The following FER1L5 variants were observed in gnomAD, a reference collection of about 807,000 sequenced individuals.
The protein encoded by FER1L5 is fer-1-like protein 5.
In FER1L5, 187 loss-of-function variants were observed where a neutral mutation model predicts 279.9. The observed-to-expected ratio is 0.67, with a 90% CI of 0.59 to 0.75. FER1L5 has a LOEUF of 0.75. FER1L5 is among the 30% of genes least tolerant of loss of function. The probability of loss-of-function intolerance (pLI) is 0.00; values close to 1 mark genes in which losing one functional copy is unlikely to be tolerated. For missense variants in FER1L5, 2,091 were observed against 2,594.4 expected (o/e 0.81, Z 4.21); for synonymous variants, 921 against 989.7 (o/e 0.93, Z 1.30).
chr2:96,697,630 C>G (rs568324234), intron 38 of FER1L5, 30 bp from the exon 39 acceptor site: 62 of 1,613,704 alleles, frequency 3.8e-5, no homozygotes, highest in Admixed American at 1.3e-4. Flanking sequence ...TGCCCCTGCC[C>G]GAGGCCAGAA....
Position 96,661,751 on chromosome 2 carries a change from C to T in FER1L5, c.978C>T (p.Tyr326=). The change falls in exon 12 of 53, where the codon TAC becomes TAT. Residue 326 remains tyrosine, a synonymous_variant. Coordinates refer to ENST00000624922, the MANE Select transcript of FER1L5 (RefSeq NM_001293083.2). ...KSAVVPINMA[Y]LQLFIYCAED... ...CGGTAGTCCCGATCAACATGGCTTA[C>T]TTACAGCTCTTCATCTACTGCGCAG... is the stretch of plus-strand genomic sequence containing the variant. 1 of 1,551,746 alleles carries T rather than the reference C, an allele frequency of 6.4e-7. No individual in the cohort carries two copies. The highest frequency in any genetic ancestry group is 8.7e-7 in the Non-Finnish European group (1 of 1,147,002).
chr2:96,694,054 G>A lies in FER1L5; in HGVS notation c.3618G>A (p.Glu1206=). 6 of 1,543,972 alleles carry A rather than the reference G, an allele frequency of 3.9e-6. No individual in the cohort carries two copies. The highest frequency in any genetic ancestry group is 5.2e-6 in the Non-Finnish European group (6 of 1,146,882). The stretch of plus-strand genomic sequence containing the variant: ...AGGGCGAGATCTTGGCATCCTGTGA[G>A]CTGATCCTCCAGACTGAGGTATTGG... ...KEEGEILASC[E]LILQTEKLGE... is the part of the protein sequence containing the mutation. Residue 1206 remains glutamate (E), a synonymous_variant, in exon 33 of 53, where the codon GAG becomes GAA. Coordinates refer to ENST00000624922, the MANE Select transcript of FER1L5 (RefSeq NM_001293083.2). The surrounding 1 kb of genome is among the most constrained non-coding windows in gnomAD (Gnocchi z 4.6).
intron 17 of FER1L5, among the ~76,000 whole-genome samples, chr2:96,669,702 G>C (rs1445816233): frequency 6.6e-6 from 1 of 152,142 alleles, no homozygotes; most frequent in Non-Finnish European, 1.5e-5. Context: ...AGACTTCCCG[G>C]CTGGGAACCT....
At chr2:96,647,420 G>A (rs989203168) in intron 3 of FER1L5, among the ~76,000 whole-genome samples, 3 of 152,092 alleles carry the variant, frequency 2.0e-5, no homozygotes, top group South Asian at 2.1e-4. Flanking sequence ...GCCCAACCCC[G>A]GCTTCTTATC....
chr2:96,699,481 C>T (rs1024391312), intron 42 of FER1L5, 69 bp from the exon 43 acceptor site: 2 of 1,528,776 alleles, frequency 1.3e-6, no homozygotes, highest in Non-Finnish European at 1.8e-6. Flanking sequence ...GGGGCCGAGA[C>T]ACCGGTGAGG....
chr2:96,682,215 T>G (rs2076756024), intron 19 of FER1L5, among the ~76,000 whole-genome samples: 1 of 152,124 alleles, frequency 6.6e-6, no homozygotes, highest in African/African-American at 2.4e-5. Context: ...GCCTCCCAGG[T>G]AGCTGGGATT....
chr2:96,663,610 A>G lies in FER1L5; in HGVS notation c.1140+103A>G, dbSNP rs774836878. On this transcript the variant is annotated intron_variant, in intron 14 of 52. Coordinates refer to ENST00000624922, the MANE Select transcript of FER1L5 (RefSeq NM_001293083.2). The stretch of plus-strand genomic sequence containing the variant: ...TGAAGACAGAGGGTGGGGGCCAAAA[A>G]GCATGGCAAGGGGGACTCTGCCTGA... The G allele has an allele frequency of 3.9e-6, 5 of 1,293,168 alleles. No individual in the cohort carries two copies. In the Admixed American group the frequency reaches 7.9e-5, roughly 21 times the overall value. 80.1% of individuals were successfully genotyped at this position (1,293,168 alleles called of 1,614,324 possible).
intron 14 of FER1L5, among the ~76,000 whole-genome samples, chr2:96,667,747 T>C (rs1447493038): frequency 6.6e-6 from 1 of 152,172 alleles, no homozygotes; most frequent in East Asian, 1.9e-4. Flanking sequence ...CATGAGATGG[T>C]TTGGTGAATG....
At chr2:96,651,237 C>CTT (rs1553446608) in intron 6 of FER1L5, among the ~76,000 whole-genome samples, 15 of 128,624 alleles carry the variant, frequency 1.2e-4, no homozygotes, top group Non-Finnish European at 1.8e-4. Context: ...TTCTTTCTTT[C>CTT]TCTTTCTTTC....
intron 19 of FER1L5, among the ~76,000 whole-genome samples, chr2:96,683,568 G>A (rs1284849789): frequency 6.7e-6 from 1 of 149,988 alleles, no homozygotes; most frequent in Admixed American, 6.7e-5. Context: ...ATGCCTTTCC[G>A]GGGGGGACAC....
chr2:96,698,637 C>G lies in FER1L5; in HGVS notation c.4357-34C>G. 1.9e-6 allele frequency: 3 copies of G among 1,550,366 alleles called. No individual in the cohort carries two copies. Among genetic ancestry groups the G allele is most frequent in the Non-Finnish European group, 2.6e-6 (3 of 1,142,090 alleles). ...GGCTTTACAGAGCTGGCCAGCACTG[C>G]CAGGCTGGGCCCCCAACACCCTCCC... On this transcript the variant is annotated intron_variant, in intron 40 of 52. Coordinates refer to ENST00000624922, the MANE Select transcript of FER1L5 (RefSeq NM_001293083.2). This position sits in a 1 kb window ranked among gnomAD's most constrained non-coding sequence, Gnocchi z 5.5.
intron 44 of FER1L5, 84 bp downstream of exon 44, chr2:96,700,164 TGGG>T: frequency 1.3e-6 from 2 of 1,578,772 alleles, no homozygotes; most frequent in South Asian, 2.3e-5. Context: ...GCTGCAGACT[TGGG>T]GGAGAAAGGG....
chr2:96,659,337 C>CTTTT (rs2075760092), intron 9 of FER1L5, among the ~76,000 whole-genome samples: 1 of 80,342 alleles, frequency 1.2e-5, no homozygotes, highest in East Asian at 4.1e-4. Context: ...TTCCTTCCTT[C>CTTTT]CTTCCTTCCT....
intron 51 of FER1L5, 150 bp downstream of exon 51, chr2:96,703,782 G>T (rs954466322): frequency 1.5e-6 from 1 of 674,936 alleles, no homozygotes; most frequent in Admixed American, 2.9e-5. Context: ...CAGACTTGGG[G>T]TGAGGGTTGG....
chr2:96,652,128 C>A, intron 7 of FER1L5, 108 bp downstream of exon 7: 3 of 1,451,180 alleles, frequency 2.1e-6, no homozygotes, highest in Admixed American at 2.0e-5. Context: ...TGTGTTTGTT[C>A]CACAAGCATT....
At position 96,694,372 on chromosome 2, in the gene FER1L5, A is replaced by C. The variant is rs1395517091; in HGVS notation, c.3649A>C (p.Lys1217Gln). 1 of 1,549,278 alleles carries C rather than the reference A, an allele frequency of 6.5e-7. No individual in the cohort carries two copies. The highest frequency in any genetic ancestry group is 8.7e-7 in the Non-Finnish European group (1 of 1,145,894). The change falls in exon 34 of 53, where the codon AAG (lysine) becomes CAG (glutamine). Residue 1217 changes from lysine to glutamine, a missense_variant. By Grantham distance (53) the Lys-to-Gln change is moderately conservative. Coordinates refer to ENST00000624922, the MANE Select transcript of FER1L5 (RefSeq NM_001293083.2). This position sits in a 1 kb window ranked among gnomAD's most constrained non-coding sequence, Gnocchi z 4.6. Reference protein sequence around the residue: ...LILQTEKLGEKQLPILSVPWK... With the variant: ...LILQTEKLGEQQLPILSVPWK... ...TGCCCTCCCCCAGAAGCTTGGAGAG[A>C]AGCAGCTGCCTATCTTAAGCGTTCC...
In FER1L5 at chr2:96,691,218, G is replaced by T; in HGVS notation, c.2772G>T (p.Pro924=). 1 of 1,550,080 alleles carries T rather than the reference G, an allele frequency of 6.5e-7. No individual in the cohort carries two copies. Among genetic ancestry groups the T allele is most frequent in the Non-Finnish European group, 8.7e-7 (1 of 1,146,718 alleles). The change falls in exon 28 of 53, where the codon CCG becomes CCT. Residue 924 remains proline (P), a synonymous_variant. Transcript: ENST00000624922. The surrounding 1 kb of genome is among the most constrained non-coding windows in gnomAD (Gnocchi z 6.0). ...GGGAGTATGGAGTGGGGATCCCACC[G>T]TCGGGCCTGCCCCAGGTCTGGAGCC... is the stretch of plus-strand genomic sequence containing the variant. The part of the protein sequence containing the change: ...KGWEYGVGIP[P]SGLPQVWSPV...
At position 96,692,023 on chromosome 2, in the gene FER1L5, G is replaced by GC. The variant is rs896385097; in HGVS notation, c.3214+60_3214+61insC. On this transcript the variant is annotated intron_variant, in intron 30 of 52. Coordinates refer to ENST00000624922, the MANE Select transcript of FER1L5 (RefSeq NM_001293083.2). ...CCAGAGGCCAGTACCCGAGGGCGGG[G>GC]GGGGGGGACAGGGTGGGGGCAGTCA... is the stretch of plus-strand genomic sequence containing the variant. The GC allele has an allele frequency of 3.1e-4, 442 of 1,405,158 alleles. 3 individuals are homozygous for GC. The Middle Eastern group carries it at 0.014, about 46-fold the overall frequency. The allele number at this position is 1,405,158 out of a possible 1,614,324, so 87.0% of individuals were successfully genotyped here.
chr2:96,647,249 A>T (rs1309186938), intron 3 of FER1L5, 94 bp downstream of exon 3: 9 of 1,342,742 alleles, frequency 6.7e-6, no homozygotes, highest in Non-Finnish European at 9.3e-6. Flanking sequence ...CACTCAGATG[A>T]AGGAATGGAA....
Sources: allele counts gnomAD v4.1 joint callset (sites outside exome capture counted in the v4.1 genomes callset), GRCh38; gene constraint gnomAD v4.1.1; non-coding constraint Gnocchi (gnomAD v3.1); transcripts MANE v1.5; gene names NCBI Gene and HGNC (gene_info 2026-07-23, HGNC 2026-07-21).